MAML3: variants seen among roughly 807,000 people sequenced by gnomAD.
MAML3 encodes the protein mastermind-like protein 3.
In MAML3, 27 loss-of-function variants were observed where a neutral mutation model predicts 101.9. The ratio of observed to expected loss-of-function variants is 0.27; its 90% confidence interval spans 0.20 to 0.37. The LOEUF (loss-of-function observed/expected upper bound fraction) is 0.37. Ranked by LOEUF, MAML3 falls within the 10% of genes least tolerant of loss-of-function variation. MAML3 has a pLI of 1.00. For missense variants in MAML3, 1,316 were observed against 1,444.9 expected (o/e 0.91, Z 1.45); for synonymous variants, 501 against 555.9 (o/e 0.90, Z 1.39).
intron 1 of MAML3, among the ~76,000 whole-genome samples, chr4:140,117,408 T>C (rs1465244099): frequency 2.3e-5 from 3 of 130,872 alleles, no homozygotes; most frequent in African/African-American, 7.5e-5. Context: ...TGTGGTTTTA[T>C]GTTTTTAAGC....
At chr4:139,999,660 A>G (rs1472815898) in intron 1 of MAML3, among the ~76,000 whole-genome samples, 1 of 152,218 alleles carries the variant, frequency 6.6e-6, no homozygotes, top group Non-Finnish European at 1.5e-5. Flanking sequence ...TTGGCAGTCT[A>G]GATTATTGAC....
intron 1 of MAML3, among the ~76,000 whole-genome samples, chr4:140,010,772 A>C (rs1726537725): frequency 6.6e-6 from 1 of 152,156 alleles, no homozygotes; most frequent in Admixed American, 6.5e-5. Context: ...TTCTAACTTG[A>C]ATTAAGGGAA....
intron 1 of MAML3, among the ~76,000 whole-genome samples, chr4:140,011,257 A>AT (rs2110860254): frequency 1.1e-5 from 1 of 94,036 alleles, no homozygotes; most frequent in East Asian, 5.9e-4. Context: ...TATATATGAC[A>AT]AACAGACCCA....
intron 1 of MAML3, among the ~76,000 whole-genome samples, chr4:139,903,893 C>T (rs1732771897): frequency 6.6e-6 from 1 of 152,172 alleles, no homozygotes; most frequent in Admixed American, 6.5e-5. Flanking sequence ...TCTAGGTATC[C>T]TCACATGGCA....
chr4:140,033,225 C>A (rs1427021365), intron 1 of MAML3, among the ~76,000 whole-genome samples: 1 of 152,200 alleles, frequency 6.6e-6, no homozygotes, highest in South Asian at 2.1e-4. Flanking sequence ...AAGGGCTTTT[C>A]CATGCCATTT....
chr4:139,805,912 AATTC>A (rs901985840), intron 2 of MAML3, among the ~76,000 whole-genome samples: 3 of 152,174 alleles, frequency 2.0e-5, no homozygotes, highest in Non-Finnish European at 4.4e-5. Flanking sequence ...AGATCTTAAG[AATTC>A]ATTATCTGTT....
chr4:140,057,492 G>A (rs1042809596), intron 1 of MAML3, among the ~76,000 whole-genome samples: 5 of 152,092 alleles, frequency 3.3e-5, no homozygotes, highest in Admixed American at 6.6e-5. Context: ...TAAGAGAAAC[G>A]CAATATTCCG....
intron 2 of MAML3, among the ~76,000 whole-genome samples, chr4:139,771,971 G>A (rs1221109313): frequency 2.0e-5 from 3 of 151,158 alleles, no homozygotes; most frequent in Admixed American, 2.0e-4. Flanking sequence ...CGGGCGCGGT[G>A]GCTCACGCCT....
At chr4:140,062,724 G>T (rs1578665185) in intron 1 of MAML3, among the ~76,000 whole-genome samples, 1 of 152,328 alleles carries the variant, frequency 6.6e-6, no homozygotes, top group African/African-American at 2.4e-5. Flanking sequence ...AGGATGAAAT[G>T]AGTAAACAAC....
At chr4:139,808,261 C>A (rs997618125) in intron 2 of MAML3, among the ~76,000 whole-genome samples, 10 of 152,254 alleles carry the variant, frequency 6.6e-5, no homozygotes, top group African/African-American at 2.4e-4. Context: ...ATTCTTCAAA[C>A]AACTGTGTGT....
chr4:139,771,885 G>T (rs1322775781), intron 2 of MAML3, among the ~76,000 whole-genome samples: 2 of 151,500 alleles, frequency 1.3e-5, no homozygotes, highest in Non-Finnish European at 2.9e-5. Context: ...ACTGAAGTTT[G>T]GGAATCATTG....
chr4:140,089,333 C>T (rs951310092), intron 1 of MAML3, among the ~76,000 whole-genome samples: 6 of 152,242 alleles, frequency 3.9e-5, no homozygotes, highest in East Asian at 1.9e-4. Flanking sequence ...AGAATGGAAA[C>T]CCCCCCTTGA....
In MAML3 at chr4:140,000,575, A is replaced by C. The variant is rs564954410; in HGVS notation, c.469-109608T>G. On this transcript the variant is annotated intron_variant, in intron 1 of 4. Coordinates refer to ENST00000509479, the MANE Select transcript of MAML3 (RefSeq NM_018717.5). ...GTCTCCCTCTACTTACATCAAAACC[A>C]AACTATAGGGCCAGTTACCCAAACC... Among the ~76,000 whole-genome samples the C allele has an allele frequency of 3.9e-5, 6 of 152,292 alleles. No individual in the cohort carries two copies. In the East Asian group the frequency reaches 1.2e-3, roughly 29 times the overall value.
intron 1 of MAML3, among the ~76,000 whole-genome samples, chr4:140,118,890 G>T (rs867085438): frequency 1.3e-5 from 2 of 152,168 alleles, no homozygotes; most frequent in African/African-American, 4.8e-5. Context: ...CAAGGCCTCT[G>T]ACGGCACACA....
At chr4:139,848,919 C>A (rs1177935504) in intron 2 of MAML3, among the ~76,000 whole-genome samples, 7 of 152,154 alleles carry the variant, frequency 4.6e-5, no homozygotes, top group Admixed American at 4.6e-4. Context: ...AGATTATAAA[C>A]AATTAACACA....
chr4:139,848,823 T>C (rs960068683), intron 2 of MAML3, among the ~76,000 whole-genome samples: 1 of 152,190 alleles, frequency 6.6e-6, no homozygotes, highest in African/African-American at 2.4e-5. Flanking sequence ...GGAAATTCAA[T>C]ACACAGGATA....
At chr4:140,145,652 G>A (rs1729046830) in intron 1 of MAML3, among the ~76,000 whole-genome samples, 2 of 151,592 alleles carry the variant, frequency 1.3e-5, no homozygotes, top group African/African-American at 4.8e-5. Flanking sequence ...TGCAAACTCT[G>A]CCACCCTGGT....
chr4:139,782,736 G>A (rs1035623414), intron 2 of MAML3, among the ~76,000 whole-genome samples: 1 of 152,084 alleles, frequency 6.6e-6, no homozygotes, highest in East Asian at 1.9e-4. Context: ...AGTGGTGTGC[G>A]CACCCAGAAC....
chr4:139,786,698 T>C (rs1730308834), intron 2 of MAML3, among the ~76,000 whole-genome samples: 1 of 152,180 alleles, frequency 6.6e-6, no homozygotes, highest in Non-Finnish European at 1.5e-5. Context: ...AGTACTGCCG[T>C]CACCGGGCAG....
Sources: allele counts gnomAD v4.1 joint callset (sites outside exome capture counted in the v4.1 genomes callset), GRCh38; gene constraint gnomAD v4.1.1; transcripts MANE v1.5; gene names NCBI Gene and HGNC (gene_info 2026-07-23, HGNC 2026-07-21).